Variants in LRP5 observed in about 807,000 individuals in gnomAD.
LRP5 encodes the protein LDL receptor related protein 5.
In LRP5, 62 loss-of-function variants were observed where a neutral mutation model predicts 154.1. The ratio of observed to expected loss-of-function variants is 0.40; its 90% CI spans 0.33 to 0.50. The LOEUF (loss-of-function observed/expected upper bound fraction) is 0.50, where lower values mean the gene tolerates loss of function less well. Ranked by LOEUF, LRP5 falls within the 20% of genes least tolerant of loss-of-function variation. The pLI, the probability that LRP5 is intolerant of heterozygous loss-of-function variation, is 0.55. For missense variants in LRP5, 1,915 were observed against 2,336.7 expected (o/e 0.82, Z 3.72); for synonymous variants, 966 against 1,011.5 (o/e 0.96, Z 0.85).
chr11:68,366,111 C>T (rs2098630930), intron 5 of LRP5, among the ~76,000 whole-genome samples: 1 of 152,152 alleles, frequency 6.6e-6, no homozygotes, highest in Non-Finnish European at 1.5e-5. Context: ...TGCAGCTCGC[C>T]TTCGGGGATG....
chr11:68,406,962 T>TAAAA, intron 9 of LRP5, 149 bp downstream of exon 9: 13 of 583,142 alleles, frequency 2.2e-5, no homozygotes, highest in Admixed American at 3.2e-5. Flanking sequence ...CAAGCCTATT[T>TAAAA]AAAAAAAAAA....
chr11:68,440,993 C>T (rs1056180099), intron 21 of LRP5, among the ~76,000 whole-genome samples: 1 of 152,200 alleles, frequency 6.6e-6, no homozygotes, highest in African/African-American at 2.4e-5. Flanking sequence ...ATCTTGAACT[C>T]CCTACCTCAG....
chr11:68,402,420 A>G (rs1326742203), intron 7 of LRP5, among the ~76,000 whole-genome samples: 1 of 152,180 alleles, frequency 6.6e-6, no homozygotes, highest in East Asian at 1.9e-4. Flanking sequence ...TACATCTCAG[A>G]GGAGACAGGG....
intron 1 of LRP5, among the ~76,000 whole-genome samples, chr11:68,318,278 T>C (rs1295997442): frequency 6.6e-6 from 1 of 151,062 alleles, no homozygotes; most frequent in African/African-American, 2.4e-5. Context: ...ATGGTCTCCA[T>C]CTCCTGATCC....
Position 68,356,933 on chromosome 11 carries a change from T to C in LRP5, c.489-717T>C, listed in dbSNP as rs1296051540. ...TCATGGCTTGATAGATCATTTCTTT[T>C]CTTTTCTTTTTTTTTTTTTTGAGAT... On this transcript the variant is annotated intron_variant, in intron 2 of 22. Coordinates refer to ENST00000294304, the MANE Select transcript of LRP5 (RefSeq NM_002335.4). 2.7e-5 allele frequency among the ~76,000 whole-genome samples: 4 copies of C among 150,844 alleles called. No individual in the cohort carries two copies. The East Asian group carries it at 5.8e-4, about 22-fold the overall frequency.
Position 68,426,012 on chromosome 11 carries a change from C to T in LRP5, c.3462C>T (p.Ile1154=), listed in dbSNP as rs1565103558. 8.7e-6 allele frequency: 14 copies of T among 1,613,028 alleles called. No individual in the cohort carries two copies. The highest frequency in any genetic ancestry group is 1.2e-5 in the Non-Finnish European group (14 of 1,180,032). ...ANRLTLEDAN[I]VQPLGLTILG... is the part of the protein sequence containing the mutation. ...GCCTGACCCTGGAGGACGCCAACAT[C>T]GTGCAGCCTCTGGGCCTGACCATCC... The change falls in exon 16 of 23, where the codon ATC becomes ATT. Residue 1154 remains isoleucine, a synonymous_variant. Transcript: ENST00000294304.
chr11:68,443,583 ATATTTT>A (rs541906888), intron 21 of LRP5, among the ~76,000 whole-genome samples: 410 of 32,998 alleles, frequency 0.012, 1 homozygote, highest in Non-Finnish European at 0.017. Flanking sequence ...ATATATATAT[ATATTTT>A]TTTTTTTTTT....
chr11:68,375,107 C>T (rs1158996509), intron 5 of LRP5, among the ~76,000 whole-genome samples: 8 of 152,238 alleles, frequency 5.3e-5, no homozygotes, highest in South Asian at 2.1e-4. Flanking sequence ...CCTGGTGGGA[C>T]GCCCACGTTG....
intron 20 of LRP5, 38 bp from the exon 21 acceptor site, chr11:68,439,739 T>C: frequency 6.3e-7 from 1 of 1,599,918 alleles, no homozygotes; most frequent in South Asian, 1.1e-5. Context: ...TGGCTGAGCC[T>C]GGAAGCCACC....
chr11:68,376,409 C>G (rs1324393914), intron 5 of LRP5, among the ~76,000 whole-genome samples: 1 of 152,164 alleles, frequency 6.6e-6, no homozygotes. Flanking sequence ...TCTCGATCTC[C>G]TGACCATCTC....
chr11:68,372,464 G>A (rs1241176518), intron 5 of LRP5, among the ~76,000 whole-genome samples: 1 of 152,074 alleles, frequency 6.6e-6, no homozygotes, highest in East Asian at 1.9e-4. Flanking sequence ...ACCCGGGACC[G>A]TGGCGGCGAG....
chr11:68,399,153 G>C (rs560217324), intron 7 of LRP5, among the ~76,000 whole-genome samples: 2 of 152,120 alleles, frequency 1.3e-5, no homozygotes, highest in Admixed American at 6.5e-5. Flanking sequence ...GGTGAACTAT[G>C]ATCATGTCAT....
rs1219762322 is a variant in LRP5 at position 68,443,585 on chromosome 11, A to ATTTTT, written c.4489-2841_4489-2837dup. ...TATATATATATATATATATATATAT[A>ATTTTT]TTTTTTTTTTTTTTGGTTATGTTCA... is the stretch of plus-strand genomic sequence containing the variant. On this transcript the variant is annotated intron_variant, in intron 21 of 22. Coordinates refer to ENST00000294304, the MANE Select transcript of LRP5 (RefSeq NM_002335.4). 8.5e-4 allele frequency among the ~76,000 whole-genome samples: 21 copies of ATTTTT among 24,844 alleles called. 1 individual carries two copies. The highest frequency in any genetic ancestry group is 3.3e-3 in the African/African-American group (21 of 6,392). 16.3% of individuals were successfully genotyped at this position (24,844 alleles called of 152,430 possible). A position where few individuals can be genotyped will look rare whatever the true frequency, so the allele number is the denominator to read the frequency against.
chr11:68,406,909 T>A, intron 9 of LRP5, 96 bp downstream of exon 9: 2 of 1,224,400 alleles, frequency 1.6e-6, no homozygotes, highest in Non-Finnish European at 2.3e-6. Context: ...CTTAAAGCAC[T>A]ATCGTATTTA....
At chr11:68,310,181 TG>T, upstream of LRP5, among the ~76,000 whole-genome samples, 1 of 151,722 alleles carries the variant, frequency 6.6e-6, no homozygotes, top group East Asian at 1.9e-4. Context: ...GTGGTGGTGG[TG>T]GGGGGTGTGG....
rs756952499 is a variant in LRP5 at position 68,386,685 on chromosome 11, G to A, written c.1385G>A (p.Arg462Gln). ...GTGTCGGAGGACCTGGACGAGCCCC[G>A]AGCCATCGCACTGCACCCCGTGATG... ...ILVSEDLDEP[R>Q]AIALHPVMGL... Residue 462 changes from arginine (R) to glutamine (Q), a missense_variant, in exon 6 of 23, where the codon CGA (arginine) becomes CAA (glutamine). By Grantham distance (43) the Arg-to-Gln change is conservative. Transcript: ENST00000294304. The surrounding 1 kb of genome is among the most constrained non-coding windows in gnomAD (Gnocchi z 7.9). The A allele has an allele frequency of 8.1e-6, 13 of 1,613,334 alleles. No individual in the cohort carries two copies. Among genetic ancestry groups the A allele is most frequent in the South Asian group, 1.1e-5 (1 of 91,070 alleles).
At chr11:68,399,492 A>T (rs766131630) in intron 7 of LRP5, among the ~76,000 whole-genome samples, 9 of 152,136 alleles carry the variant, frequency 5.9e-5, no homozygotes, top group African/African-American at 9.7e-5. Context: ...AATATTTTCT[A>T]TCCTTTACAA....
chr11:68,374,706 C>T (rs192809873), intron 5 of LRP5, among the ~76,000 whole-genome samples: 2 of 152,340 alleles, frequency 1.3e-5, no homozygotes, highest in Admixed American at 6.5e-5. Flanking sequence ...CACCACTCTC[C>T]TGACTTCTAT....
chr11:68,354,133 C>T (rs2098621090), intron 2 of LRP5, among the ~76,000 whole-genome samples: 1 of 152,212 alleles, frequency 6.6e-6, no homozygotes, highest in South Asian at 2.1e-4. Context: ...TGCAAAATGG[C>T]CCTTCCCTAA....
Sources: allele counts gnomAD v4.1 joint callset (sites outside exome capture counted in the v4.1 genomes callset), GRCh38; gene constraint gnomAD v4.1.1; non-coding constraint Gnocchi (gnomAD v3.1); transcripts MANE v1.5; gene names NCBI Gene and HGNC (gene_info 2026-07-23, HGNC 2026-07-21).